Variants in PCDHA1 observed in about 807,000 individuals in gnomAD.
PCDHA1 encodes protocadherin alpha-1.
Under a neutral mutation model 61.3 loss-of-function variants are expected in PCDHA1, and 42 were observed. That is an observed-to-expected ratio of 0.69 (90% CI 0.54 to 0.89). PCDHA1 has a LOEUF of 0.89. Ranked by LOEUF, PCDHA1 falls within the 40% of genes least tolerant of loss-of-function variation. The probability of loss-of-function intolerance (pLI) is 0.00; values close to 1 mark genes in which losing one functional copy is unlikely to be tolerated. For missense variants in PCDHA1, 1,256 were observed against 1,235.3 expected (o/e 1.02, Z -0.25); for synonymous variants, 610 against 553.8 (o/e 1.10, Z -1.43).
intron 1 of PCDHA1, among the ~76,000 whole-genome samples, chr5:140,901,940 T>A (rs1444811552): frequency 6.6e-6 from 1 of 152,172 alleles, no homozygotes; most frequent in Non-Finnish European, 1.5e-5. Context: ...CCTAGGTATA[T>A]TTAGTTTTAT....
intron 1 of PCDHA1, among the ~76,000 whole-genome samples, chr5:140,965,073 TCTGA>T (rs1372324599): frequency 1.3e-5 from 2 of 152,186 alleles, no homozygotes; most frequent in African/African-American, 4.8e-5. Context: ...CAGGTCTCAC[TCTGA>T]CTTTGTTCCA....
At chr5:140,821,662 C>A in intron 1 of PCDHA1, 2 of 1,220,782 alleles carry the variant, frequency 1.6e-6, no homozygotes, top group Non-Finnish European at 2.3e-6. Context: ...TTGGCTGTGC[C>A]AAGAAGCTCA....
chr5:140,977,077 C>A (rs1303374839), intron 1 of PCDHA1, among the ~76,000 whole-genome samples: 1 of 152,138 alleles, frequency 6.6e-6, no homozygotes, highest in Non-Finnish European at 1.5e-5. Context: ...AGCAGCATGA[C>A]AAATTAAATG....
intron 1 of PCDHA1, among the ~76,000 whole-genome samples, chr5:140,943,307 T>C (rs1554215574): frequency 6.7e-6 from 1 of 149,570 alleles, no homozygotes; most frequent in Non-Finnish European, 1.5e-5. Flanking sequence ...TGGGAAGTCA[T>C]TATTAGCAAT....
intron 1 of PCDHA1, chr5:140,828,357 G>A: frequency 6.2e-7 from 1 of 1,614,244 alleles, no homozygotes; most frequent in South Asian, 1.1e-5. Flanking sequence ...GTGAATTCTC[G>A]GATCGACCGC....
chr5:140,966,707 A>C, intron 1 of PCDHA1: 1 of 1,379,868 alleles, frequency 7.2e-7, no homozygotes, highest in Non-Finnish European at 9.3e-7. Context: ...GGCGTGGGGC[A>C]CGGCTGGGGA....
chr5:140,851,920 T>C (rs2042197222), intron 1 of PCDHA1: 1 of 967,994 alleles, frequency 1.0e-6, no homozygotes, highest in African/African-American at 1.8e-5. Context: ...CTACATGTTA[T>C]GTTTCCTGAA....
At chr5:140,967,489 A>G in intron 1 of PCDHA1, 4 of 1,613,456 alleles carry the variant, frequency 2.5e-6, no homozygotes, top group Non-Finnish European at 3.4e-6. Flanking sequence ...CGGGTACGGC[A>G]CAGATCTCTG....
intron 3 of PCDHA1, among the ~76,000 whole-genome samples, chr5:140,988,254 T>G (rs910037234): frequency 6.6e-6 from 1 of 152,188 alleles, no homozygotes; most frequent in East Asian, 1.9e-4. Context: ...AGCTCCCGCC[T>G]GTGAGTATCC....
chr5:140,871,419 C>A (rs1554165566), intron 1 of PCDHA1: 1 of 1,613,732 alleles, frequency 6.2e-7, no homozygotes. Flanking sequence ...TGGCCTTCAG[C>A]CCCAGTCTTC....
chr5:140,850,082 G>A lies in PCDHA1; in HGVS notation c.2394+61398G>A. On this transcript the variant is annotated intron_variant, in intron 1 of 3. Coordinates refer to ENST00000504120, the MANE Select transcript of PCDHA1 (RefSeq NM_018900.4). ...AGCCGTTGGACCACGAGGAGCTGGA[G>A]CTGCTACAGTTCCAGGTGAGCGCGC... 2 of 1,596,634 alleles carry A rather than the reference G, an allele frequency of 1.3e-6. 1 individual carries two copies. Among genetic ancestry groups the A allele is most frequent in the Non-Finnish European group, 1.7e-6 (2 of 1,167,856 alleles).
chr5:140,982,427 G>C, intron 2 of PCDHA1, 48 bp from the exon 3 acceptor site: 1 of 1,612,412 alleles, frequency 6.2e-7, no homozygotes, highest in Non-Finnish European at 8.5e-7. Context: ...GAAGAGATGG[G>C]AAAGAATTTA....
At chr5:140,823,590 G>A in intron 1 of PCDHA1, 6 of 1,614,004 alleles carry the variant, frequency 3.7e-6, no homozygotes, top group Non-Finnish European at 5.1e-6. Context: ...ACAACGCTTG[G>A]CTTTCGTATG....
intron 1 of PCDHA1, chr5:140,851,868 C>A: frequency 1.0e-6 from 1 of 976,710 alleles, no homozygotes; most frequent in Non-Finnish European, 1.2e-6. Context: ...ATACATAACA[C>A]AAGGCAGAAA....
At chr5:140,827,748 C>A (rs1290868920) in intron 1 of PCDHA1, among the ~76,000 whole-genome samples, 1 of 152,166 alleles carries the variant, frequency 6.6e-6, no homozygotes, top group Non-Finnish European at 1.5e-5. Context: ...AATTAGATCC[C>A]TTACTTTAAA....
intron 1 of PCDHA1, among the ~76,000 whole-genome samples, chr5:140,839,447 T>C (rs2150297946): frequency 3.3e-5 from 5 of 151,970 alleles, no homozygotes; most frequent in Non-Finnish European, 5.9e-5. Flanking sequence ...TGCAGTGCAG[T>C]GGCACAATCT....
At chr5:140,809,342 A>AC in intron 1 of PCDHA1, 1 of 1,614,026 alleles carries the variant, frequency 6.2e-7, no homozygotes, top group Non-Finnish European at 8.5e-7. Context: ...GCTGCTGTAC[A>AC]CCGCGCTGCG....
At chr5:140,928,235 C>T (rs1455319165) in intron 1 of PCDHA1, 9 of 1,614,090 alleles carry the variant, frequency 5.6e-6, no homozygotes, top group African/African-American at 1.3e-5. Context: ...TTTCCTCAAC[C>T]CCAGCAGGAA....
intron 1 of PCDHA1, chr5:140,823,123 A>T: frequency 6.2e-7 from 1 of 1,614,012 alleles, no homozygotes; most frequent in Non-Finnish European, 8.5e-7. Flanking sequence ...CGTGAACGAC[A>T]ACGCTCCGGC....
Sources: allele counts gnomAD v4.1 joint callset (sites outside exome capture counted in the v4.1 genomes callset), GRCh38; gene constraint gnomAD v4.1.1; transcripts MANE v1.5; gene names NCBI Gene and HGNC (gene_info 2026-07-23, HGNC 2026-07-21).